The following SPAG17 variants were observed in gnomAD, a reference collection of about 807,000 sequenced individuals.
SPAG17 encodes the protein sperm-associated antigen 17.
In SPAG17, 169 loss-of-function variants were observed where a neutral mutation model predicts 273.6. The observed-to-expected ratio is 0.62, with a 90% CI of 0.55 to 0.70. SPAG17 has a LOEUF of 0.70. Ranked by LOEUF, SPAG17 falls within the 30% of genes least tolerant of loss-of-function variation. The pLI, the probability that SPAG17 is intolerant of heterozygous loss-of-function variation, is 0.00. For missense variants in SPAG17, 2,557 were observed against 2,627.8 expected, an observed-to-expected ratio of 0.97 and a Z score of 0.59; for synonymous variants, 825 against 873.2, an observed-to-expected ratio of 0.94 and a Z score of 0.97.
At position 118,023,349 on chromosome 1, in the gene SPAG17, G is replaced by T. The variant is rs1647332014; in HGVS notation, c.4024C>A (p.Gln1342Lys). 2 of 1,611,704 alleles carry T rather than the reference G, an allele frequency of 1.2e-6. No homozygotes were observed. Among genetic ancestry groups the T allele is most frequent in the Admixed American group, 1.7e-5 (1 of 59,818 alleles). Residue 1342 changes from glutamine to lysine, a missense_variant, in exon 28 of 49, where the codon CAG (glutamine) becomes AAG (lysine). Physicochemically the swap from Gln to Lys is moderately conservative, Grantham distance 53. Transcript: ENST00000336338. Reference protein sequence around the residue: ...SGDLMDSISQQKSETIPSEIT... With the variant: ...SGDLMDSISQKKSETIPSEIT... ...TCAGATGGTATCGTTTCTGATTTCT[G>T]CTGAGAAATAGAGTCCATCAAATCT...
At chr1:118,006,782 T>A (rs906652308) in intron 31 of SPAG17, among the ~76,000 whole-genome samples, 1 of 152,230 alleles carries the variant, frequency 6.6e-6, no homozygotes, top group East Asian at 1.9e-4. Context: ...CTTGTGATTA[T>A]CTGTCTTTTT....
At chr1:117,999,605 G>T (rs1327183452) in intron 32 of SPAG17, among the ~76,000 whole-genome samples, 2 of 152,260 alleles carry the variant, frequency 1.3e-5, no homozygotes, top group Non-Finnish European at 2.9e-5. Flanking sequence ...TCATGTGTCT[G>T]TTGGCTGCAT....
At position 118,028,285 on chromosome 1, in the gene SPAG17, T is replaced by C; in HGVS notation, c.3719A>G (p.Gln1240Arg). 8 of 1,613,600 alleles carry C rather than the reference T, an allele frequency of 5.0e-6. No individual in the cohort carries two copies. The highest frequency in any genetic ancestry group is 6.8e-6 in the Non-Finnish European group (8 of 1,179,652). Reference protein sequence around the residue: ...PSGLLLTFIGQESTGQYVIDE... With the variant: ...PSGLLLTFIGRESTGQYVIDE... ...CATATAGCACTTACCTGTAGATTCT[T>C]GTCCAATGAAAGTCAACAGGAGCCC... is the stretch of plus-strand genomic sequence containing the variant. Residue 1240 changes from glutamine (Q) to arginine (R), a missense_variant, in exon 26 of 49, where the codon CAA becomes CGA. Gln to Arg is a conservative substitution (Grantham distance 43, BLOSUM62 1). Transcript: ENST00000336338.
Position 118,029,305 on chromosome 1 carries a change from T to A in SPAG17, c.3610-911A>T, listed in dbSNP as rs567286850. Among the ~76,000 whole-genome samples, 3 of 152,314 alleles carry A rather than the reference T, an allele frequency of 2.0e-5. No individual in the cohort carries two copies. The South Asian group carries it at 6.2e-4, about 32-fold the overall frequency. On this transcript the variant is annotated intron_variant, in intron 25 of 48. Coordinates refer to ENST00000336338, the MANE Select transcript of SPAG17 (RefSeq NM_206996.4). ...GACATAAAATCTGCTAATATCTTGA[T>A]ATTGGACTTCACAGCCTCTTGAACT...
At position 118,089,066 on chromosome 1, in the gene SPAG17, A is replaced by G. The variant is rs75204702; in HGVS notation, c.1360-2058T>C. On this transcript the variant is annotated intron_variant, in intron 10 of 48. Transcript: ENST00000336338. ...CTAGTAGGAGGACGGGGAAGGGAAG[A>G]AAAAAATAGCTGATCAATATATTGC... is the stretch of plus-strand genomic sequence containing the variant. Among the ~76,000 whole-genome samples, 963 of 152,208 alleles carry G rather than the reference A, an allele frequency of 6.3e-3. 7 individuals are homozygous for G. The highest frequency in any genetic ancestry group is 0.022 in the African/African-American group (919 of 41,528).
At chr1:117,962,481 G>C (rs1653232111) in intron 48 of SPAG17, 1 of 151,202 alleles carries the variant, frequency 6.6e-6, no homozygotes, top group Admixed American at 6.6e-5. Context: ...AAAGCCTTTT[G>C]AGATTGCAGT....
intron 4 of SPAG17, among the ~76,000 whole-genome samples, chr1:118,113,612 T>G (rs1656899405): frequency 6.6e-6 from 1 of 152,104 alleles, no homozygotes; most frequent in Admixed American, 6.6e-5. Context: ...AATGGAGATG[T>G]CATATTAGAT....
In SPAG17 at chr1:118,031,990, A is replaced by G. The variant is rs148134293; in HGVS notation, c.3434-123T>C. ...AACAATTTTTACCTTGCTAAATATGATTTATCAGTTGGATAGATTTCAGGA... is the reference window on the plus strand; with the variant it reads ...AACAATTTTTACCTTGCTAAATATGGTTTATCAGTTGGATAGATTTCAGGA... On this transcript the variant is annotated intron_variant, in intron 24 of 48. Coordinates refer to ENST00000336338, the MANE Select transcript of SPAG17 (RefSeq NM_206996.4). 9.4e-4 allele frequency: 686 copies of G among 732,132 alleles called. 8 individuals are homozygous for G. In the East Asian group the frequency reaches 0.014, roughly 15 times the overall value. 45.4% of individuals were successfully genotyped at this position (732,132 alleles called of 1,614,324 possible).
At chr1:118,063,468 A>G (rs1351382457) in intron 18 of SPAG17, among the ~76,000 whole-genome samples, 8 of 152,212 alleles carry the variant, frequency 5.3e-5, no homozygotes, top group African/African-American at 1.9e-4. Flanking sequence ...AAACCTGACA[A>G]AAACAAAAAA....
At chr1:118,088,295 C>A (rs1477200268) in intron 10 of SPAG17, among the ~76,000 whole-genome samples, 1 of 152,066 alleles carries the variant, frequency 6.6e-6, no homozygotes, top group Non-Finnish European at 1.5e-5. Flanking sequence ...TTGTTAGGCG[C>A]CGAGCTCATT....
intron 32 of SPAG17, among the ~76,000 whole-genome samples, chr1:117,999,530 T>G (rs1483314262): frequency 2.6e-5 from 4 of 152,234 alleles, no homozygotes; most frequent in Non-Finnish European, 4.4e-5. Flanking sequence ...CTAACTGGCA[T>G]GTGATGGTAT....
chr1:117,986,424 C>G (rs1656414193), intron 40 of SPAG17, among the ~76,000 whole-genome samples: 1 of 152,128 alleles, frequency 6.6e-6, no homozygotes, highest in African/African-American at 2.4e-5. Context: ...TTCCTTGACC[C>G]AGTTCATTTT....
chr1:118,151,505 G>T, intron 1 of SPAG17, 136 bp from the exon 2 acceptor site: 2 of 868,182 alleles, frequency 2.3e-6, no homozygotes, highest in Non-Finnish European at 3.2e-6. Context: ...TAATGTATGT[G>T]GTTTTCTGAT....
At chr1:118,080,446 GA>G (rs1654454402) in intron 15 of SPAG17, among the ~76,000 whole-genome samples, 1 of 152,090 alleles carries the variant, frequency 6.6e-6, no homozygotes, top group South Asian at 2.1e-4. Flanking sequence ...CAAAAAGATG[GA>G]AAAAGGTTTT....
At chr1:118,168,520 A>C (rs1311016418) in intron 1 of SPAG17, among the ~76,000 whole-genome samples, 1 of 152,224 alleles carries the variant, frequency 6.6e-6, no homozygotes, top group Non-Finnish European at 1.5e-5. Context: ...ACAAATAATC[A>C]GTGAATTTAA....
rs1340765552 is a variant in SPAG17, at chr1:117,971,875, A to T, written c.6314T>A (p.Val2105Glu). Residue 2105 changes from valine to glutamate, a missense_variant, in exon 45 of 49, where the codon GTG becomes GAG. By Grantham distance (121) the Val-to-Glu change is moderately radical. Coordinates refer to ENST00000336338, the MANE Select transcript of SPAG17 (RefSeq NM_206996.4). ...ATVVKLKNVG[V>E]DFCRFKVKQP... ...CCCTTGGCCTCACCTGCAGAAGTCC[A>T]CTCCAACATTCTTGAGCTTTACAAC... is the stretch of plus-strand genomic sequence containing the variant. 6.2e-7 allele frequency: 1 copy of T among 1,613,060 alleles called. No homozygotes were observed. The highest frequency in any genetic ancestry group is 1.7e-5 in the Admixed American group (1 of 59,926).
intron 29 of SPAG17, among the ~76,000 whole-genome samples, chr1:118,014,767 T>G (rs1270691270): frequency 6.6e-6 from 1 of 152,134 alleles, no homozygotes; most frequent in African/African-American, 2.4e-5. Flanking sequence ...ATTCAGAGGG[T>G]GCTGCAAATC....
intron 48 of SPAG17, among the ~76,000 whole-genome samples, chr1:117,957,608 C>T (rs932552712): frequency 5.9e-5 from 9 of 152,136 alleles, no homozygotes; most frequent in African/African-American, 2.2e-4. Context: ...GCCTGTGGCC[C>T]GCAGGCCACA....
At chr1:118,145,610 C>T (rs1032104531) in intron 3 of SPAG17, among the ~76,000 whole-genome samples, 6 of 151,698 alleles carry the variant, frequency 4.0e-5, no homozygotes, top group South Asian at 2.1e-4. Flanking sequence ...GATGGTCTCC[C>T]GGTTGCAATA....
Sources: allele counts gnomAD v4.1 joint callset (sites outside exome capture counted in the v4.1 genomes callset), GRCh38; gene constraint gnomAD v4.1.1; transcripts MANE v1.5; gene names NCBI Gene and HGNC (gene_info 2026-07-23, HGNC 2026-07-21).